VSNL1: variants seen among roughly 807,000 people sequenced by gnomAD.
VSNL1 encodes visinin-like protein 1.
VSNL1 carries 6 observed loss-of-function variants against 20.4 expected under a neutral mutation model. The observed-to-expected ratio is 0.29, with a 90% CI of 0.16 to 0.58. The LOEUF is 0.58. Ranked by LOEUF, VSNL1 falls within the 20% of genes least tolerant of loss-of-function variation. The probability of loss-of-function intolerance (pLI) is 0.90; values close to 1 mark genes in which losing one functional copy is unlikely to be tolerated. For synonymous variants in VSNL1, 93 were observed against 86.4 expected, an observed-to-expected ratio of 1.08 and a Z score of -0.42; for missense variants, 100 against 234.5, an observed-to-expected ratio of 0.43 and a Z score of 3.75.
chr2:17,598,153 C>A (rs1047117793), intron 2 of VSNL1, among the ~76,000 whole-genome samples: 1 of 152,104 alleles, frequency 6.6e-6, no homozygotes, highest in African/African-American at 2.4e-5. Context: ...TTTTAGAATT[C>A]TACTTCTAAA....
At chr2:17,612,059 A>G (rs1665102280) in intron 2 of VSNL1, among the ~76,000 whole-genome samples, 1 of 133,486 alleles carries the variant, frequency 7.5e-6, no homozygotes, top group Non-Finnish European at 1.8e-5. Context: ...TTCTTCATGC[A>G]CTCTGTGTGT....
intron 1 of VSNL1, among the ~76,000 whole-genome samples, chr2:17,579,931 A>G (rs1430366422): frequency 1.3e-5 from 2 of 152,214 alleles, no homozygotes; most frequent in African/African-American, 2.4e-5. Context: ...GAAGCTCAGG[A>G]GAACCCTGAG....
chr2:17,565,611 ATAGT>A (rs769047540), intron 1 of VSNL1, among the ~76,000 whole-genome samples: 25 of 152,334 alleles, frequency 1.6e-4, no homozygotes, highest in East Asian at 7.7e-4. Context: ...TTTACATGTG[ATAGT>A]TAGTGCCTAA....
intron 2 of VSNL1, among the ~76,000 whole-genome samples, chr2:17,609,443 A>G (rs946258841): frequency 1.3e-5 from 2 of 152,226 alleles, no homozygotes. Flanking sequence ...CTATGGAAGA[A>G]AAGAAGACTA....
At chr2:17,595,062 C>T (rs976304460) in intron 2 of VSNL1, among the ~76,000 whole-genome samples, 6 of 152,184 alleles carry the variant, frequency 3.9e-5, no homozygotes, top group Non-Finnish European at 5.9e-5. Context: ...CCCTCCAGCC[C>T]ATCCACCATA....
chr2:17,608,339 G>T (rs947156161), intron 2 of VSNL1, among the ~76,000 whole-genome samples: 9 of 152,200 alleles, frequency 5.9e-5, no homozygotes, highest in Non-Finnish European at 1.0e-4. Context: ...TCTACCAGGA[G>T]CACGATAAAT....
At chr2:17,651,263 T>C (rs1303929783) in intron 3 of VSNL1, among the ~76,000 whole-genome samples, 1 of 152,232 alleles carries the variant, frequency 6.6e-6, no homozygotes, top group Non-Finnish European at 1.5e-5. Flanking sequence ...TTATTACTGC[T>C]TGCAGTGAGG....
At chr2:17,545,224 T>A (rs1663379318) in intron 1 of VSNL1, among the ~76,000 whole-genome samples, 1 of 152,078 alleles carries the variant, frequency 6.6e-6, no homozygotes, top group Non-Finnish European at 1.5e-5. Context: ...ATGTGCACAA[T>A]TAACATTTCT....
intron 3 of VSNL1, among the ~76,000 whole-genome samples, chr2:17,652,908 G>A (rs950949632): frequency 6.6e-6 from 1 of 152,134 alleles, no homozygotes; most frequent in Non-Finnish European, 1.5e-5. Context: ...CCCTGCTTGG[G>A]ACCCTTCTCC....
At chr2:17,633,348 CAAAAAAAAA>C (rs10706048) in intron 2 of VSNL1, among the ~76,000 whole-genome samples, 1 of 50,538 alleles carries the variant, frequency 2.0e-5, no homozygotes, top group African/African-American at 7.0e-5. Context: ...ACTAAAAATA[CAAAAAAAAA>C]AAAAAAAAAA....
At chr2:17,620,645 G>A (rs1665332936) in intron 2 of VSNL1, among the ~76,000 whole-genome samples, 1 of 152,164 alleles carries the variant, frequency 6.6e-6, no homozygotes, top group Admixed American at 6.5e-5. Context: ...GGGAAGGTGA[G>A]CATTATGCTA....
At position 17,613,383 on chromosome 2, in the gene VSNL1, A is replaced by G. The variant is rs73921008; in HGVS notation, c.162+21147A>G. 2.8e-3 allele frequency among the ~76,000 whole-genome samples: 424 copies of G among 152,364 alleles called. 3 individuals carry two copies. Among genetic ancestry groups the G allele is most frequent in the African/African-American group, 9.9e-3 (412 of 41,578 alleles). On this transcript the variant is annotated intron_variant, in intron 2 of 3. Coordinates refer to ENST00000295156, the MANE Select transcript of VSNL1 (RefSeq NM_003385.5). ...TTCCTGGAAAAATATTTGATGAATT[A>G]TACATGTACCTACACCCCTGAGACC...
chr2:17,630,126 C>T (rs114588945), intron 2 of VSNL1, among the ~76,000 whole-genome samples: 5 of 152,286 alleles, frequency 3.3e-5, no homozygotes, highest in Admixed American at 6.5e-5. Context: ...CAATCTCGTC[C>T]GTGTATTTTA....
At chr2:17,630,845 G>A (rs545671494) in intron 2 of VSNL1, among the ~76,000 whole-genome samples, 4 of 152,122 alleles carry the variant, frequency 2.6e-5, no homozygotes, top group East Asian at 1.9e-4. Context: ...GCAGTGGCAC[G>A]ATCTTGGCTC....
At chr2:17,548,767 A>C (rs534246673) in intron 1 of VSNL1, among the ~76,000 whole-genome samples, 7 of 152,296 alleles carry the variant, frequency 4.6e-5, no homozygotes, top group Admixed American at 4.6e-4. Context: ...ATAGTTAAAT[A>C]ATAGGTAACA....
At chr2:17,569,477 C>G (rs999459430) in intron 1 of VSNL1, among the ~76,000 whole-genome samples, 2 of 151,874 alleles carry the variant, frequency 1.3e-5, no homozygotes, top group Non-Finnish European at 2.9e-5. Context: ...TTTAATTTCT[C>G]TCCTACTCTC....
chr2:17,609,796 C>T (rs561091679), intron 2 of VSNL1, among the ~76,000 whole-genome samples: 1 of 152,326 alleles, frequency 6.6e-6, no homozygotes, highest in East Asian at 1.9e-4. Context: ...CAATTGATCA[C>T]TTCATATGCT....
chr2:17,627,097 C>A (rs576217762), intron 2 of VSNL1, among the ~76,000 whole-genome samples: 1 of 152,252 alleles, frequency 6.6e-6, no homozygotes, highest in Non-Finnish European at 1.5e-5. Context: ...TGCAAATCCA[C>A]GCCAAGGAGA....
chr2:17,623,565 G>A (rs1011707854), intron 2 of VSNL1, among the ~76,000 whole-genome samples: 4 of 151,624 alleles, frequency 2.6e-5, no homozygotes, highest in African/African-American at 9.7e-5. Context: ...AGCTACTCGG[G>A]AGGCTGAGGC....
Sources: allele counts gnomAD v4.1 joint callset (sites outside exome capture counted in the v4.1 genomes callset), GRCh38; gene constraint gnomAD v4.1.1; transcripts MANE v1.5; gene names NCBI Gene and HGNC (gene_info 2026-07-23, HGNC 2026-07-21).